Variants in KIAA1549 observed in about 807,000 individuals in gnomAD.
The protein encoded by KIAA1549 is UPF0606 protein KIAA1549.
KIAA1549 carries 70 observed loss-of-function variants against 156.4 expected under a neutral mutation model. That is an observed-to-expected ratio of 0.45 (90% CI 0.37 to 0.55). The LOEUF (loss-of-function observed/expected upper bound fraction) is 0.55. Among genes scored for constraint, KIAA1549 ranks in the 20% least tolerant of loss-of-function variants. KIAA1549 has a pLI of 0.00. For synonymous variants in KIAA1549, 1,103 were observed against 1,066.4 expected (o/e 1.03, Z -0.67); for missense variants, 2,428 against 2,540.9 (o/e 0.96, Z 0.96).
At position 138,879,632 on chromosome 7, in the gene KIAA1549, G is replaced by A. The variant is rs1253393784; in HGVS notation, c.4251C>T (p.Asp1417=). 1 of 1,552,624 alleles carries A rather than the reference G, an allele frequency of 6.4e-7. No individual in the cohort carries two copies. Among genetic ancestry groups the A allele is most frequent in the South Asian group, 1.2e-5 (1 of 83,740 alleles). The change falls in exon 12 of 20, where the codon GAC becomes GAT. Residue 1417 remains aspartate (D), a synonymous_variant. Transcript: ENST00000422774. ...CGCTGGACTCTTCACTGACCGTAGAGTCAGCATCTGAGGGAGAAACTCTGC... is the reference window on the plus strand; with the variant it reads ...CGCTGGACTCTTCACTGACCGTAGAATCAGCATCTGAGGGAGAAACTCTGC... ...HRGRVSPSDA[D]STVSEESSER... is the part of the protein sequence containing the mutation.
chr7:138,871,303 C>T lies in KIAA1549; in HGVS notation c.4405G>A (p.Val1469Met), dbSNP rs770912507. Residue 1469 changes from valine (V) to methionine (M), a missense_variant, in exon 13 of 20, where the codon GTG (valine) becomes ATG (methionine). Transcript: ENST00000422774. Reference sequence around the variant, plus strand: ...TCCGGGGGGCGGGAGATCCTGTCCACGTGCTCGAAGATGGAGGCTGATGAG... The same window carrying T: ...TCCGGGGGGCGGGAGATCCTGTCCATGTGCTCGAAGATGGAGGCTGATGAG... ...QHSSASIFEH[V>M]DRISRPPEAS... 2.8e-5 allele frequency: 45 copies of T among 1,605,682 alleles called. No homozygotes were observed. The highest frequency in any genetic ancestry group is 3.7e-5 in the Non-Finnish European group (43 of 1,175,852).
intron 1 of KIAA1549, among the ~76,000 whole-genome samples, chr7:138,966,081 T>G (rs146818505): frequency 8.1e-4 from 123 of 152,262 alleles, no homozygotes; most frequent in African/African-American, 2.8e-3. Flanking sequence ...CTTGCCTCTT[T>G]CAAATGTTAG....
At chr7:138,920,399 T>C (rs1346041804) in intron 1 of KIAA1549, among the ~76,000 whole-genome samples, 1 of 152,172 alleles carries the variant, frequency 6.6e-6, no homozygotes, top group East Asian at 1.9e-4. Context: ...AGGACAGGCA[T>C]TGTTTACCTG....
rs2130476950 is a variant in KIAA1549 at position 138,916,954 on chromosome 7, G to A, written c.2672C>T (p.Ala891Val). Residue 891 changes from alanine (A) to valine (V), a missense_variant, in exon 2 of 20, where the codon GCC becomes GTC. Physicochemically the swap from Ala to Val is moderately conservative, Grantham distance 64. Transcript: ENST00000422774. ...TEVSTTSTGA[A>V]TGGPLDSTLM... ...GGTGGAGTCGAGGGGACCACCAGTG[G>A]CAGCACCGGTGCTGGTTGTGCTCAC... is the stretch of plus-strand genomic sequence containing the variant. The A allele has an allele frequency of 1.2e-6, 2 of 1,605,388 alleles. No individual in the cohort carries two copies. The highest frequency in any genetic ancestry group is 1.7e-5 in the Admixed American group (1 of 59,438).
chr7:138,974,130 G>GAAATAAAGTAAAGTAAA (rs1814303482), intron 1 of KIAA1549, among the ~76,000 whole-genome samples: 3 of 152,190 alleles, frequency 2.0e-5, no homozygotes, highest in Admixed American at 2.0e-4. Context: ...ATGGTCAACA[G>GAAATAAAGTAAAGTAAA]GTAAAGAAAA....
In KIAA1549 at chr7:138,925,200, C is replaced by G. The variant is rs187095429; in HGVS notation, c.188-5762G>C. ...TAGTGAGGAAGATGCCCAGCTGTCT[C>G]CAACACTTGTCTGTCTCAGACTCTC... On this transcript the variant is annotated intron_variant, in intron 1 of 19. Coordinates refer to ENST00000422774, the MANE Select transcript of KIAA1549 (RefSeq NM_001164665.2). Among the ~76,000 whole-genome samples the G allele has an allele frequency of 7.6e-4, 116 of 152,282 alleles. 4 individuals carry two copies. Among genetic ancestry groups the G allele is most frequent in the Admixed American group, 7.5e-3 (115 of 15,302 alleles).
rs1381129838 is a variant in KIAA1549 at position 138,844,366 on chromosome 7, C to T, written c.5403G>A (p.Ser1801=). The T allele has an allele frequency of 1.6e-5, 26 of 1,613,144 alleles. No individual in the cohort carries two copies. The East Asian group carries it at 5.3e-4, about 33-fold the overall frequency. ...EAPFAARGIY[S]EEMPSVARPR... ...GCCGGGCCACCGACGGCATCTCCTC[C>T]GAGTAGATCCCTCTGGCAGCAAATG... The change falls in exon 18 of 20, where the codon TCG becomes TCA. Residue 1801 remains serine, a synonymous_variant. Transcript: ENST00000422774.
At chr7:138,940,505 T>C (rs977037261) in intron 1 of KIAA1549, among the ~76,000 whole-genome samples, 2 of 151,434 alleles carry the variant, frequency 1.3e-5, no homozygotes, top group African/African-American at 4.9e-5. Flanking sequence ...AGTAGCATGA[T>C]TTATAATCCT....
At chr7:138,891,202 G>T (rs1811536569) in intron 10 of KIAA1549, among the ~76,000 whole-genome samples, 1 of 152,244 alleles carries the variant, frequency 6.6e-6, no homozygotes, top group African/African-American at 2.4e-5. Flanking sequence ...CGGATCTGGT[G>T]TGGCTCACAG....
At chr7:138,916,022 G>A (rs928300887) in intron 2 of KIAA1549, among the ~76,000 whole-genome samples, 2 of 152,240 alleles carry the variant, frequency 1.3e-5, no homozygotes, top group African/African-American at 2.4e-5. Flanking sequence ...AGGCTGTGGT[G>A]GGGAGGAGAC....
chr7:138,950,251 T>G (rs2130538633), intron 1 of KIAA1549, among the ~76,000 whole-genome samples: 1 of 152,314 alleles, frequency 6.6e-6, no homozygotes, highest in African/African-American at 2.4e-5. Context: ...TCTTTTATTA[T>G]AATCGTAAAA....
At chr7:138,939,208 C>T (rs58489603) in intron 1 of KIAA1549, among the ~76,000 whole-genome samples, 14,634 of 152,132 alleles carry the variant, frequency 0.096, 993 homozygotes, top group African/African-American at 0.19. Context: ...ATTATAACCA[C>T]AATATAATTA....
chr7:138,945,306 C>T (rs1054665243), intron 1 of KIAA1549, among the ~76,000 whole-genome samples: 1 of 152,218 alleles, frequency 6.6e-6, no homozygotes, highest in Admixed American at 6.5e-5. Flanking sequence ...TCTAAGACAT[C>T]TCATCCCGTC....
At chr7:138,914,684 T>C (rs757760447) in intron 2 of KIAA1549, among the ~76,000 whole-genome samples, 1 of 152,172 alleles carries the variant, frequency 6.6e-6, no homozygotes, top group Admixed American at 6.5e-5. Context: ...GGAACAAAAA[T>C]GGCACTTATC....
chr7:138,964,574 C>A (rs1372780470), intron 1 of KIAA1549, among the ~76,000 whole-genome samples: 1 of 152,156 alleles, frequency 6.6e-6, no homozygotes, highest in South Asian at 2.1e-4. Context: ...CCCAGCTCAG[C>A]CCCTGAGACT....
At chr7:138,841,764 T>C (rs1809925573) in intron 18 of KIAA1549, among the ~76,000 whole-genome samples, 1 of 152,122 alleles carries the variant, frequency 6.6e-6, no homozygotes, top group African/African-American at 2.4e-5. Flanking sequence ...GGTCTCACTA[T>C]GTTGGCCAGG....
chr7:138,865,473 T>C (rs1022511871), intron 15 of KIAA1549, among the ~76,000 whole-genome samples: 1 of 151,944 alleles, frequency 6.6e-6, no homozygotes, highest in African/African-American at 2.4e-5. Flanking sequence ...TACCACTGAT[T>C]CTAAAATACA....
intron 9 of KIAA1549, 28 bp from the exon 10 acceptor site, chr7:138,894,554 A>G: frequency 2.5e-6 from 4 of 1,610,950 alleles, no homozygotes; most frequent in Non-Finnish European, 3.4e-6. Flanking sequence ...AGGTCTTTCA[A>G]TAATTCCTTC....
intron 8 of KIAA1549, among the ~76,000 whole-genome samples, chr7:138,902,732 CT>C: frequency 6.6e-6 from 1 of 152,096 alleles, no homozygotes; most frequent in East Asian, 1.9e-4. Flanking sequence ...TCGCTTGCAC[CT>C]GGGAGGCAGA....
Sources: gnomAD v4.1 joint callset for allele counts (sites outside exome capture counted in the v4.1 genomes callset) on GRCh38, gnomAD v4.1.1 for gene constraint, MANE v1.5 for transcripts, NCBI Gene and HGNC (gene_info 2026-07-23, HGNC 2026-07-21) for gene names.